The following HECW1 variants were observed in gnomAD, a reference collection of about 807,000 sequenced individuals.
The protein encoded by HECW1 is E3 ubiquitin-protein ligase HECW1.
A neutral mutation model predicts 182.3 loss-of-function variants in HECW1; 61 were observed. That is an observed-to-expected ratio of 0.33 (90% CI 0.27 to 0.41). The LOEUF is 0.41. Among genes scored for constraint, HECW1 ranks in the 10% least tolerant of loss-of-function variants. The pLI is 1.00. For missense variants in HECW1, 1,739 were observed against 2,108.9 expected (o/e 0.82, Z 3.44); for synonymous variants, 859 against 832.6 (o/e 1.03, Z -0.55).
At chr7:43,176,310 A>G (rs1792242684) in intron 2 of HECW1, among the ~76,000 whole-genome samples, 1 of 152,248 alleles carries the variant, frequency 6.6e-6, no homozygotes, top group Non-Finnish European at 1.5e-5. Flanking sequence ...AGTATACAAC[A>G]GAACTTCAAT....
At chr7:43,463,865 G>C in intron 14 of HECW1, 66 bp downstream of exon 14, 1 of 1,562,816 alleles carries the variant, frequency 6.4e-7, no homozygotes, top group Non-Finnish European at 8.8e-7. Flanking sequence ...AGGGCTACAA[G>C]CCTCCCACCC....
chr7:43,397,397 C>G (rs1475262537), intron 7 of HECW1, among the ~76,000 whole-genome samples: 1 of 152,142 alleles, frequency 6.6e-6, no homozygotes, highest in African/African-American at 2.4e-5. Context: ...CATGAATGTA[C>G]CATGGTTCCA....
chr7:43,252,017 C>T (rs1217616035), intron 3 of HECW1, among the ~76,000 whole-genome samples: 2 of 152,142 alleles, frequency 1.3e-5, no homozygotes, highest in Non-Finnish European at 2.9e-5. Context: ...CAGCAGTATC[C>T]TCCTCCTGTT....
At chr7:43,155,322 A>G (rs753395302) in intron 2 of HECW1, among the ~76,000 whole-genome samples, 34 of 152,194 alleles carry the variant, frequency 2.2e-4, no homozygotes, top group Non-Finnish European at 3.8e-4. Flanking sequence ...CAATAAACAG[A>G]GAATATACCA....
intron 5 of HECW1, among the ~76,000 whole-genome samples, chr7:43,334,617 G>A (rs989975390): frequency 2.0e-5 from 3 of 152,176 alleles, no homozygotes; most frequent in African/African-American, 7.2e-5. Context: ...GTTGCCAGCT[G>A]TGTTACCTGA....
At chr7:43,338,729 A>G (rs747479279) in intron 5 of HECW1, among the ~76,000 whole-genome samples, 7 of 152,186 alleles carry the variant, frequency 4.6e-5, no homozygotes, top group Non-Finnish European at 8.8e-5. Context: ...ACAGCGCTCA[A>G]ATCAAGAAGC....
intron 2 of HECW1, among the ~76,000 whole-genome samples, chr7:43,131,703 T>G (rs761895062): frequency 2.0e-5 from 3 of 152,238 alleles, no homozygotes; most frequent in Non-Finnish European, 2.9e-5. Flanking sequence ...AACTTGTCAG[T>G]GCTCAGCGCT....
intron 29 of HECW1, among the ~76,000 whole-genome samples, chr7:43,557,252 A>T (rs535666689): frequency 6.6e-6 from 1 of 152,176 alleles, no homozygotes; most frequent in Non-Finnish European, 1.5e-5. Flanking sequence ...ACTGTGAGCC[A>T]CAGTGCATGT....
chr7:43,538,780 A>G (rs2081267416), intron 24 of HECW1, among the ~76,000 whole-genome samples: 1 of 152,236 alleles, frequency 6.6e-6, no homozygotes, highest in Non-Finnish European at 1.5e-5. Flanking sequence ...CCCAGTAGGC[A>G]TTTGATAAAA....
At position 43,407,741 on chromosome 7, in the gene HECW1, G is replaced by A. The variant is rs199623088; in HGVS notation, c.801+10G>A. 7 of 1,593,466 alleles carry A rather than the reference G, an allele frequency of 4.4e-6. No homozygotes were observed. The highest frequency in any genetic ancestry group is 2.7e-5 in the African/African-American group (2 of 73,776). On this transcript the variant is annotated intron_variant, in intron 8 of 29. Transcript: ENST00000395891. ...CATCTGGCAGGCCGAGGTGAGTGCTGTGGGCCCTGAAAAAAAGCCCAAGTA... is the reference window on the plus strand; with the variant it reads ...CATCTGGCAGGCCGAGGTGAGTGCTATGGGCCCTGAAAAAAAGCCCAAGTA...
intron 5 of HECW1, among the ~76,000 whole-genome samples, chr7:43,332,741 T>C (rs1811658367): frequency 6.6e-6 from 1 of 152,212 alleles, no homozygotes; most frequent in Non-Finnish European, 1.5e-5. Flanking sequence ...GTAAGGCTAC[T>C]GTCCTGAGTA....
intron 6 of HECW1, among the ~76,000 whole-genome samples, chr7:43,376,400 G>A (rs2152823773): frequency 6.6e-6 from 1 of 152,266 alleles, no homozygotes; most frequent in African/African-American, 2.4e-5. Flanking sequence ...GATGGGGGTA[G>A]CCAGCCAGCG....
chr7:43,308,272 A>G (rs1163299772), intron 3 of HECW1, among the ~76,000 whole-genome samples: 2 of 119,502 alleles, frequency 1.7e-5, no homozygotes, highest in African/African-American at 3.3e-5. Context: ...ATATATTTAT[A>G]TATTATATGA....
At chr7:43,449,484 A>G (rs886178250) in intron 11 of HECW1, among the ~76,000 whole-genome samples, 1 of 152,230 alleles carries the variant, frequency 6.6e-6, no homozygotes, top group African/African-American at 2.4e-5. Flanking sequence ...TTAAATCACA[A>G]AATTAAACCC....
intron 3 of HECW1, among the ~76,000 whole-genome samples, chr7:43,310,527 ACAGATGAGTGAAAGGGCCTGCCTGCCC>A (rs1808372519): frequency 6.6e-6 from 1 of 152,236 alleles, no homozygotes; most frequent in Admixed American, 6.5e-5. Flanking sequence ...AACAGGAGAC[ACAGATGAGTGAAAGGGCCTGCCTGCCC>A]CATGGCCATA....
intron 3 of HECW1, among the ~76,000 whole-genome samples, chr7:43,307,655 C>T (rs1048894329): frequency 7.2e-5 from 11 of 151,994 alleles, no homozygotes; most frequent in African/African-American, 2.7e-4. Context: ...ACTGATGAGT[C>T]TATAGTATAT....
chr7:43,198,633 C>A (rs1794730218), intron 2 of HECW1, among the ~76,000 whole-genome samples: 1 of 149,202 alleles, frequency 6.7e-6, no homozygotes, highest in African/African-American at 2.5e-5. Flanking sequence ...ACACCATAGT[C>A]ACACACCCCA....
chr7:43,231,119 C>G (rs1797842957), intron 2 of HECW1, among the ~76,000 whole-genome samples: 1 of 152,178 alleles, frequency 6.6e-6, no homozygotes, highest in South Asian at 2.1e-4. Flanking sequence ...TTCTAATTCT[C>G]ATTGACAAGT....
In HECW1 at chr7:43,507,235, G is replaced by A; in HGVS notation, c.3730G>A (p.Gly1244Ser). ...FYRKLEAKGF[G>S]QGPGKIKLII... ...CAGAAAACTGGAAGCCAAAGGATTTGGTCAGGGTCCGGGGAAAATTAAGTG... is the reference window on the plus strand; with the variant it reads ...CAGAAAACTGGAAGCCAAAGGATTTAGTCAGGGTCCGGGGAAAATTAAGTG... Residue 1244 changes from glycine (G) to serine (S), a missense_variant, in exon 22 of 30, where the codon GGT becomes AGT. Physicochemically the swap from Gly to Ser is moderately conservative, Grantham distance 56. Coordinates refer to ENST00000395891, the MANE Select transcript of HECW1 (RefSeq NM_015052.5). The A allele has an allele frequency of 6.2e-7, 1 of 1,613,680 alleles. No individual in the cohort carries two copies. Among genetic ancestry groups the A allele is most frequent in the East Asian group, 2.2e-5 (1 of 44,868 alleles).
Sources: allele counts gnomAD v4.1 joint callset (sites outside exome capture counted in the v4.1 genomes callset), GRCh38; gene constraint gnomAD v4.1.1; transcripts MANE v1.5; gene names NCBI Gene and HGNC (gene_info 2026-07-23, HGNC 2026-07-21).